The following TMEM132D variants were observed in gnomAD, a reference collection of about 807,000 sequenced individuals.
TMEM132D encodes the protein transmembrane protein 132D, also known as mature OL transmembrane protein.
In TMEM132D, 21 loss-of-function variants were observed where a neutral mutation model predicts 62.3. The observed-to-expected ratio is 0.34, with a 90% confidence interval of 0.24 to 0.49. The LOEUF is 0.49. TMEM132D is among the 20% of genes least tolerant of loss of function. The pLI, the probability that TMEM132D is intolerant of heterozygous loss-of-function variation, is 0.99. For synonymous variants in TMEM132D, 621 were observed against 575.6 expected, an observed-to-expected ratio of 1.08 and a Z score of -1.13; for missense variants, 1,346 against 1,402.8, an observed-to-expected ratio of 0.96 and a Z score of 0.65.
At chr12:129,433,488 C>T (rs897603423) in intron 3 of TMEM132D, among the ~76,000 whole-genome samples, 18 of 152,114 alleles carry the variant, frequency 1.2e-4, no homozygotes, top group Non-Finnish European at 2.5e-4. Context: ...AAGCATTTCT[C>T]GTTGATCCTC....
intron 2 of TMEM132D, among the ~76,000 whole-genome samples, chr12:129,643,028 G>T (rs1879680594): frequency 6.7e-6 from 1 of 150,070 alleles, no homozygotes; most frequent in African/African-American, 2.4e-5. Flanking sequence ...AGGTTCAAGG[G>T]ATTCTCCCGC....
chr12:129,599,676 A>G (rs1339931832), intron 2 of TMEM132D, among the ~76,000 whole-genome samples: 1 of 152,234 alleles, frequency 6.6e-6, no homozygotes, highest in East Asian at 1.9e-4. Flanking sequence ...CCAGATCATC[A>G]TAATAAAGCA....
chr12:129,404,898 T>C (rs1328455572), intron 3 of TMEM132D, among the ~76,000 whole-genome samples: 4 of 152,248 alleles, frequency 2.6e-5, no homozygotes, highest in South Asian at 4.2e-4. Context: ...ATCAGGAAGC[T>C]GCCTGACTTG....
At chr12:129,625,388 G>A (rs530072093) in intron 2 of TMEM132D, among the ~76,000 whole-genome samples, 7 of 152,264 alleles carry the variant, frequency 4.6e-5, no homozygotes, top group African/African-American at 1.7e-4. Context: ...TCTTTACAAA[G>A]TATTGTTCTT....
Position 129,078,730 on chromosome 12 carries a change from A to C in TMEM132D, c.1924-5T>G. On this transcript the variant is annotated splice_region_variant and splice_polypyrimidine_tract_variant and intron_variant, in intron 7 of 8. Coordinates refer to ENST00000422113, the MANE Select transcript of TMEM132D (RefSeq NM_133448.3). ...GTCTGACAGAGGAGACAGGATCTGG[A>C]GGGCAGAAGCGACATGACAAGGAAA... 1 of 1,611,092 alleles carries C rather than the reference A, an allele frequency of 6.2e-7. No individual in the cohort carries two copies. The highest frequency in any genetic ancestry group is 8.5e-7 in the Non-Finnish European group (1 of 1,177,382).
chr12:129,706,043 A>G, intron 1 of TMEM132D, among the ~76,000 whole-genome samples: 1 of 151,996 alleles, frequency 6.6e-6, no homozygotes, highest in East Asian at 1.9e-4. Flanking sequence ...AGAACTGAGG[A>G]GAGAGGACAG....
At chr12:129,638,712 C>T (rs927124065) in intron 2 of TMEM132D, among the ~76,000 whole-genome samples, 4 of 151,738 alleles carry the variant, frequency 2.6e-5, no homozygotes, top group Non-Finnish European at 5.9e-5. Flanking sequence ...GTATCTCTTG[C>T]TAAAATGTCT....
chr12:129,813,611 G>GATAGATATATATAT, intron 1 of TMEM132D, among the ~76,000 whole-genome samples: 1 of 136,612 alleles, frequency 7.3e-6, no homozygotes, highest in South Asian at 2.6e-4. Flanking sequence ...CAGAAAATGT[G>GATAGATATATATAT]ATATATATAT....
At chr12:129,711,649 C>T (rs1868376303) in intron 1 of TMEM132D, among the ~76,000 whole-genome samples, 1 of 150,848 alleles carries the variant, frequency 6.6e-6, no homozygotes, top group Non-Finnish European at 1.5e-5. Flanking sequence ...ATCACTTCAA[C>T]CCGGGAAGTG....
chr12:129,765,147 A>G (rs73429331), intron 1 of TMEM132D, among the ~76,000 whole-genome samples: 21,753 of 152,142 alleles, frequency 0.14, 2,353 homozygotes, highest in African/African-American at 0.31. Flanking sequence ...TTTGTGCTTC[A>G]GTGGAAAAGT....
intron 1 of TMEM132D, among the ~76,000 whole-genome samples, chr12:129,849,180 C>T (rs1222053928): frequency 6.6e-6 from 1 of 152,194 alleles, no homozygotes; most frequent in East Asian, 1.9e-4. Context: ...AGGGACATCT[C>T]AGAGCTTCAG....
chr12:129,893,823 A>T (rs1178281795), intron 1 of TMEM132D, among the ~76,000 whole-genome samples: 6 of 152,226 alleles, frequency 3.9e-5, no homozygotes, highest in Non-Finnish European at 7.3e-5. Context: ...ACACATCTGG[A>T]AACCACACCT....
chr12:129,818,669 C>T (rs1003532000), intron 1 of TMEM132D, among the ~76,000 whole-genome samples: 1 of 151,708 alleles, frequency 6.6e-6, no homozygotes, highest in Non-Finnish European at 1.5e-5. Flanking sequence ...CAGCAAGTTG[C>T]CTTTCATTTA....
intron 1 of TMEM132D, among the ~76,000 whole-genome samples, chr12:129,747,945 G>A (rs1432818449): frequency 1.3e-5 from 2 of 152,130 alleles, no homozygotes; most frequent in African/African-American, 2.4e-5. Flanking sequence ...TCATCACCGC[G>A]GACAGGCGAC....
chr12:129,618,174 C>T (rs1350156100), intron 2 of TMEM132D, among the ~76,000 whole-genome samples: 5 of 152,160 alleles, frequency 3.3e-5, no homozygotes, highest in African/African-American at 4.8e-5. Context: ...GTTACAGATG[C>T]GAGGGTCCTA....
intron 5 of TMEM132D, among the ~76,000 whole-genome samples, chr12:129,167,652 A>G (rs1271736009): frequency 6.6e-6 from 1 of 151,944 alleles, no homozygotes; most frequent in South Asian, 2.1e-4. Context: ...ACTATTCCTT[A>G]ACACATACCT....
intron 3 of TMEM132D, among the ~76,000 whole-genome samples, chr12:129,351,091 A>G (rs1566041822): frequency 6.6e-6 from 1 of 152,220 alleles, no homozygotes; most frequent in Non-Finnish European, 1.5e-5. Context: ...GGATGGCAAG[A>G]TAATCTGCCA....
intron 1 of TMEM132D, among the ~76,000 whole-genome samples, chr12:129,704,750 C>T (rs935250218): frequency 1.3e-5 from 2 of 152,210 alleles, no homozygotes; most frequent in East Asian, 3.9e-4. Context: ...TGTAAATAAA[C>T]AAAAACAGAA....
intron 7 of TMEM132D, among the ~76,000 whole-genome samples, chr12:129,079,325 G>A (rs1411332266): frequency 1.3e-5 from 2 of 152,072 alleles, no homozygotes; most frequent in Non-Finnish European, 2.9e-5. Flanking sequence ...GAATATCGTT[G>A]GGCATATTCT....
Sources: gnomAD v4.1 joint callset for allele counts (sites outside exome capture counted in the v4.1 genomes callset) on GRCh38, gnomAD v4.1.1 for gene constraint, MANE v1.5 for transcripts, NCBI Gene and HGNC (gene_info 2026-07-23, HGNC 2026-07-21) for gene names.